Variants in SLC41A2 observed in about 807,000 individuals in gnomAD.
SLC41A2 encodes SLC41A1-like 1.
SLC41A2 carries 32 observed loss-of-function variants against 58.3 expected under a neutral mutation model. The ratio of observed to expected loss-of-function variants is 0.55; its 90% CI spans 0.41 to 0.74. SLC41A2 has a LOEUF of 0.74. Ranked by LOEUF, SLC41A2 falls within the 30% of genes least tolerant of loss-of-function variation. The probability of loss-of-function intolerance (pLI) is 0.00; values close to 1 mark genes in which losing one functional copy is unlikely to be tolerated. For missense variants in SLC41A2, 514 were observed against 680.6 expected, an observed-to-expected ratio of 0.76 and a Z score of 2.72; for synonymous variants, 190 against 235.0, an observed-to-expected ratio of 0.81 and a Z score of 1.75.
intron 7 of SLC41A2, among the ~76,000 whole-genome samples, chr12:104,864,142 C>T (rs1033101767): frequency 7.9e-5 from 12 of 152,112 alleles, no homozygotes; most frequent in Non-Finnish European, 1.5e-4. Flanking sequence ...TGCCTGAATC[C>T]TCCAGGAAAA....
At chr12:104,942,084 CA>C (rs923914543) in intron 1 of SLC41A2, among the ~76,000 whole-genome samples, 1 of 151,406 alleles carries the variant, frequency 6.6e-6, no homozygotes, top group Admixed American at 6.6e-5. Context: ...TTTTAAACAA[CA>C]AAAAAAAGAG....
chr12:104,946,743 G>A (rs976584987), intron 1 of SLC41A2, among the ~76,000 whole-genome samples: 1 of 152,184 alleles, frequency 6.6e-6, no homozygotes, highest in Non-Finnish European at 1.5e-5. Flanking sequence ...GATTTTTACG[G>A]GGGAATTTCA....
intron 10 of SLC41A2, among the ~76,000 whole-genome samples, chr12:104,828,768 C>G (rs1490038704): frequency 6.6e-6 from 1 of 151,972 alleles, no homozygotes; most frequent in Non-Finnish European, 1.5e-5. Context: ...GAAAATATTT[C>G]CAATACATAT....
intron 4 of SLC41A2, among the ~76,000 whole-genome samples, chr12:104,889,974 T>C (rs1430220178): frequency 6.6e-6 from 1 of 152,124 alleles, no homozygotes; most frequent in Non-Finnish European, 1.5e-5. Flanking sequence ...ATGTCAGAAC[T>C]AAAAGAAACC....
At chr12:104,855,947 A>G (rs1190645680) in intron 8 of SLC41A2, among the ~76,000 whole-genome samples, 1 of 151,540 alleles carries the variant, frequency 6.6e-6, no homozygotes, top group African/African-American at 2.4e-5. Context: ...GTATGGATCT[A>G]GAAAGGAACA....
intron 4 of SLC41A2, among the ~76,000 whole-genome samples, chr12:104,892,750 G>A (rs1330007634): frequency 1.3e-5 from 2 of 152,166 alleles, no homozygotes; most frequent in Non-Finnish European, 2.9e-5. Context: ...AATATACACT[G>A]AGGAAAAGAC....
intron 6 of SLC41A2, among the ~76,000 whole-genome samples, chr12:104,883,168 A>C (rs1230271597): frequency 6.6e-6 from 1 of 152,084 alleles, no homozygotes; most frequent in Non-Finnish European, 1.5e-5. Context: ...TTTCGGCTCC[A>C]TTGGGTCATT....
chr12:104,942,991 C>G (rs2047569446), intron 1 of SLC41A2, among the ~76,000 whole-genome samples: 1 of 152,106 alleles, frequency 6.6e-6, no homozygotes, highest in Non-Finnish European at 1.5e-5. Flanking sequence ...CATACTTTAT[C>G]CTTAACACAT....
rs1384235088 is a variant in SLC41A2, at chr12:104,803,788, A to G, written c.*1364T>C. 6.6e-6 allele frequency: 1 copy of G among 152,162 alleles called. No individual in the cohort carries two copies. Among genetic ancestry groups the G allele is most frequent in the Non-Finnish European group, 1.5e-5 (1 of 68,022 alleles). 9.4% of individuals were successfully genotyped at this position (152,162 alleles called of 1,614,324 possible). On this transcript the variant is annotated 3_prime_UTR_variant, in exon 11 of 11. Transcript: ENST00000258538. ...ATATGATTGGGTCCCACGTAGAAAT[A>G]AGCCTGTACAAATGGATATGTTTAA...
rs2040809381 is a variant in SLC41A2 at position 104,804,152 on chromosome 12, A to G, written c.*1000T>C. 3 of 123,070 alleles carry G rather than the reference A, an allele frequency of 2.4e-5. No homozygotes were observed. Among genetic ancestry groups the G allele is most frequent in the Middle Eastern group, 4.2e-3 (1 of 236 alleles). The allele number at this position is 123,070 out of a possible 1,614,324, so 7.6% of individuals were successfully genotyped here. A position where few individuals can be genotyped will look rare whatever the true frequency, so the allele number is the denominator to read the frequency against. On this transcript the variant is annotated 3_prime_UTR_variant, in exon 11 of 11. Coordinates refer to ENST00000258538, the MANE Select transcript of SLC41A2 (RefSeq NM_001352171.3). ...AGCAAGACTCTGTCTCAAAAAAAAAAAAAAAAAAAAAAAAAAAGAATATAG... is the reference window on the plus strand; with the variant it reads ...AGCAAGACTCTGTCTCAAAAAAAAAGAAAAAAAAAAAAAAAAAGAATATAG...
At chr12:104,886,983 C>T (rs781486628) in intron 5 of SLC41A2, among the ~76,000 whole-genome samples, 1 of 151,964 alleles carries the variant, frequency 6.6e-6, no homozygotes, top group Non-Finnish European at 1.5e-5. Flanking sequence ...ATACAAGAAA[C>T]AGTCTTTGTA....
intron 6 of SLC41A2, among the ~76,000 whole-genome samples, chr12:104,874,201 G>C (rs1013981012): frequency 6.6e-6 from 1 of 151,538 alleles, no homozygotes; most frequent in African/African-American, 2.4e-5. Flanking sequence ...AGCCTCCCGA[G>C]TAGCTGGGAC....
Position 104,937,087 on chromosome 12 carries a change from G to A in SLC41A2, c.-167-8393C>T, listed in dbSNP as rs1242894373. On this transcript the variant is annotated intron_variant, in intron 1 of 10. Coordinates refer to ENST00000258538, the MANE Select transcript of SLC41A2 (RefSeq NM_001352171.3). ...GATTGTGCACTGCACCCCAGTGGAT[G>A]ACAGAGCAAGACCCTGCCTCTAAAC... 3.9e-5 allele frequency among the ~76,000 whole-genome samples: 6 copies of A among 152,306 alleles called. No homozygotes were observed. The South Asian group carries it at 1.2e-3, about 32-fold the overall frequency.
intron 10 of SLC41A2, among the ~76,000 whole-genome samples, chr12:104,826,368 T>G (rs972791867): frequency 6.6e-6 from 1 of 152,228 alleles, no homozygotes; most frequent in Admixed American, 6.5e-5. Flanking sequence ...TGAGGTCCCA[T>G]ACGTGCAGGC....
intron 6 of SLC41A2, among the ~76,000 whole-genome samples, chr12:104,880,695 A>G (rs573544059): frequency 6.6e-6 from 1 of 152,150 alleles, no homozygotes; most frequent in East Asian, 1.9e-4. Context: ...ACGCTTTTTG[A>G]CGTGCTGCTG....
intron 8 of SLC41A2, among the ~76,000 whole-genome samples, chr12:104,854,728 G>A (rs2042961177): frequency 6.6e-6 from 1 of 152,006 alleles, no homozygotes; most frequent in Non-Finnish European, 1.5e-5. Flanking sequence ...TCACCCTAGG[G>A]TGCCATCCAA....
rs943255652 is a variant in SLC41A2 at position 104,949,606 on chromosome 12, G to A, written c.-168+8482C>T. 6.6e-5 allele frequency among the ~76,000 whole-genome samples: 10 copies of A among 152,214 alleles called. No homozygotes were observed. The East Asian group carries it at 9.7e-4, about 15-fold the overall frequency. ...AGCTAAACTTTTTCTTTTTTTAGACGGAGTTTCGCTCTTGTTGCCCAGGCT... is the reference window on the plus strand; with the variant it reads ...AGCTAAACTTTTTCTTTTTTTAGACAGAGTTTCGCTCTTGTTGCCCAGGCT... On this transcript the variant is annotated intron_variant, in intron 1 of 10. Transcript: ENST00000258538.
intron 1 of SLC41A2, among the ~76,000 whole-genome samples, chr12:104,949,598 T>G (rs1485181245): frequency 6.6e-6 from 1 of 151,738 alleles, no homozygotes; most frequent in Non-Finnish European, 1.5e-5. Flanking sequence ...CTTTTTCTTT[T>G]TTTAGACGGA....
At chr12:104,931,158 C>A (rs989054601) in intron 1 of SLC41A2, among the ~76,000 whole-genome samples, 1 of 152,224 alleles carries the variant, frequency 6.6e-6, no homozygotes, top group African/African-American at 2.4e-5. Context: ...ATCTGCATAA[C>A]CTTACACATC....
Sources: allele counts gnomAD v4.1 joint callset (sites outside exome capture counted in the v4.1 genomes callset), GRCh38; gene constraint gnomAD v4.1.1; transcripts MANE v1.5; gene names NCBI Gene and HGNC (gene_info 2026-07-23, HGNC 2026-07-21).